The following GPC5 variants were observed in gnomAD, a reference collection of about 807,000 sequenced individuals.
GPC5 encodes the protein glypican 5.
In GPC5, 47 loss-of-function variants were observed where a neutral mutation model predicts 53.9. The observed-to-expected ratio is 0.87, with a 90% CI of 0.69 to 1.11. GPC5 has a LOEUF of 1.11. Among genes scored for constraint, GPC5 ranks in the 50% most tolerant of loss-of-function variants. The probability of loss-of-function intolerance (pLI) is 0.00; values close to 1 mark genes in which losing one functional copy is unlikely to be tolerated. For synonymous variants in GPC5, 286 were observed against 263.3 expected, an observed-to-expected ratio of 1.09 and a Z score of -0.84; for missense variants, 748 against 713.1, an observed-to-expected ratio of 1.05 and a Z score of -0.56.
chr13:91,603,923 A>G (rs188310676), intron 2 of GPC5, among the ~76,000 whole-genome samples: 71 of 142,540 alleles, frequency 5.0e-4, no homozygotes, highest in African/African-American at 1.7e-3. Flanking sequence ...TTCTAGTAGT[A>G]TTTTTTTTTC....
chr13:92,636,040 A>G lies in GPC5; in HGVS notation c.1562-230242A>G, dbSNP rs182769886. ...AATAGAGTGAATAAATTAAAATGTC[A>G]CCTACTCTTCTTTCTCCAGAAGGCT... On this transcript the variant is annotated intron_variant, in intron 7 of 7. Coordinates refer to ENST00000377067, the MANE Select transcript of GPC5 (RefSeq NM_004466.6). Among the ~76,000 whole-genome samples the G allele has an allele frequency of 2.0e-5, 3 of 152,348 alleles. No homozygotes were observed. In the East Asian group the frequency reaches 5.8e-4, roughly 29 times the overall value.
chr13:92,017,031 G>T (rs114442566), intron 6 of GPC5, among the ~76,000 whole-genome samples: 3 of 152,102 alleles, frequency 2.0e-5, no homozygotes, highest in Non-Finnish European at 4.4e-5. Flanking sequence ...ATGGCCTGTC[G>T]ATGCTGGGTG....
intron 2 of GPC5, among the ~76,000 whole-genome samples, chr13:91,558,142 A>T (rs1271595513): frequency 6.6e-6 from 1 of 152,108 alleles, no homozygotes; most frequent in Non-Finnish European, 1.5e-5. Flanking sequence ...CTGAAGCTGT[A>T]ACTTTGGAAT....
At chr13:91,895,122 G>A (rs1025382470) in intron 5 of GPC5, among the ~76,000 whole-genome samples, 1 of 151,894 alleles carries the variant, frequency 6.6e-6, no homozygotes, top group Non-Finnish European at 1.5e-5. Flanking sequence ...AGCAGGGCAG[G>A]AAAGGCGAGC....
chr13:91,916,271 C>T (rs185660432), intron 6 of GPC5, among the ~76,000 whole-genome samples: 3 of 152,186 alleles, frequency 2.0e-5, no homozygotes, highest in Admixed American at 2.0e-4. Context: ...CATTATGACC[C>T]AGCAATTCCG....
At chr13:91,613,730 A>C (rs2033622362) in intron 2 of GPC5, among the ~76,000 whole-genome samples, 1 of 152,194 alleles carries the variant, frequency 6.6e-6, no homozygotes, top group South Asian at 2.1e-4. Context: ...CATGACATTG[A>C]AATATCTTGT....
chr13:92,810,530 T>C (rs1399936042), intron 7 of GPC5, among the ~76,000 whole-genome samples: 1 of 151,874 alleles, frequency 6.6e-6, no homozygotes, highest in African/African-American at 2.4e-5. Context: ...CCATCACCTC[T>C]CTAGTTCCAA....
At chr13:92,223,328 A>G (rs2042462673) in intron 7 of GPC5, among the ~76,000 whole-genome samples, 1 of 152,144 alleles carries the variant, frequency 6.6e-6, no homozygotes, top group African/African-American at 2.4e-5. Flanking sequence ...CCTATTCTGG[A>G]GATAAAATAA....
intron 7 of GPC5, among the ~76,000 whole-genome samples, chr13:92,191,388 G>A (rs942128149): frequency 2.3e-4 from 35 of 152,184 alleles, no homozygotes; most frequent in African/African-American, 7.0e-4. Flanking sequence ...AAATGCTGGT[G>A]AGAATGTGGA....
chr13:91,880,354 A>G (rs2039250637), intron 5 of GPC5, among the ~76,000 whole-genome samples: 1 of 151,934 alleles, frequency 6.6e-6, no homozygotes, highest in Non-Finnish European at 1.5e-5. Flanking sequence ...ATTTTTCCGT[A>G]TTATGGGCTA....
chr13:92,061,975 C>G (rs2041127736), intron 6 of GPC5, among the ~76,000 whole-genome samples: 1 of 151,946 alleles, frequency 6.6e-6, no homozygotes, highest in African/African-American at 2.4e-5. Context: ...CAATAATTTA[C>G]CACTCTGTTT....
At chr13:91,483,424 C>T (rs1883412016) in intron 2 of GPC5, among the ~76,000 whole-genome samples, 2 of 152,134 alleles carry the variant, frequency 1.3e-5, no homozygotes, top group South Asian at 4.1e-4. Flanking sequence ...TTAATTAATT[C>T]TATCTAGGAA....
At chr13:92,483,424 A>T (rs1879430242) in intron 7 of GPC5, among the ~76,000 whole-genome samples, 1 of 152,180 alleles carries the variant, frequency 6.6e-6, no homozygotes, top group South Asian at 2.1e-4. Flanking sequence ...CATAGAGAAG[A>T]TACTGTAAAA....
intron 7 of GPC5, among the ~76,000 whole-genome samples, chr13:92,531,287 G>C (rs983260438): frequency 6.6e-6 from 1 of 151,864 alleles, no homozygotes; most frequent in African/African-American, 2.4e-5. Context: ...AGAGATTTTG[G>C]CTATCTAAAA....
intron 2 of GPC5, among the ~76,000 whole-genome samples, chr13:91,546,988 A>G (rs2030332735): frequency 2.0e-5 from 3 of 152,044 alleles, no homozygotes; most frequent in Admixed American, 2.0e-4. Flanking sequence ...AGCAATGAGA[A>G]GGTAGATGGA....
chr13:92,773,508 A>G lies in GPC5; in HGVS notation c.1562-92774A>G, dbSNP rs1461412208. 4.6e-5 allele frequency among the ~76,000 whole-genome samples: 7 copies of G among 152,326 alleles called. No homozygotes were observed. The South Asian group carries it at 8.3e-4, about 18-fold the overall frequency. The stretch of plus-strand genomic sequence containing the variant: ...CTACTGAGATTTTCAGACATATCCA[A>G]TGATTATCTATATCTTTGTCAGACT... On this transcript the variant is annotated intron_variant, in intron 7 of 7. Coordinates refer to ENST00000377067, the MANE Select transcript of GPC5 (RefSeq NM_004466.6).
intron 5 of GPC5, among the ~76,000 whole-genome samples, chr13:91,810,380 C>T (rs2038290809): frequency 6.6e-6 from 1 of 151,892 alleles, no homozygotes; most frequent in Non-Finnish European, 1.5e-5. Context: ...AATATTAAGT[C>T]ATAATACCTT....
chr13:91,410,339 C>CTTTT (rs66787310), intron 1 of GPC5, among the ~76,000 whole-genome samples: 150 of 89,788 alleles, frequency 1.7e-3, no homozygotes, highest in African/African-American at 2.7e-3. Context: ...CGTTTCCATT[C>CTTTT]TTTTTTTTTT....
chr13:92,445,849 C>G lies in GPC5; in HGVS notation c.1561+300860C>G, dbSNP rs1283965844. 5.3e-5 allele frequency among the ~76,000 whole-genome samples: 8 copies of G among 152,254 alleles called. No homozygotes were observed. In the East Asian group the frequency reaches 1.4e-3, roughly 26 times the overall value. On this transcript the variant is annotated intron_variant, in intron 7 of 7. Coordinates refer to ENST00000377067, the MANE Select transcript of GPC5 (RefSeq NM_004466.6). Reference sequence around the variant, plus strand: ...CTAGAGTCCAATGCCAAGATCATAGCTCACTGTGGCCTTGAACTCCTAGCT... The same window carrying G: ...CTAGAGTCCAATGCCAAGATCATAGGTCACTGTGGCCTTGAACTCCTAGCT...
Sources: gnomAD v4.1 joint callset for allele counts (sites outside exome capture counted in the v4.1 genomes callset) on GRCh38, gnomAD v4.1.1 for gene constraint, MANE v1.5 for transcripts, NCBI Gene and HGNC (gene_info 2026-07-23, HGNC 2026-07-21) for gene names.